The following ZFAND1 variants were observed in gnomAD, a reference collection of about 807,000 sequenced individuals.
ZFAND1 encodes the protein AN1-type zinc finger protein 1.
ZFAND1 carries 40 observed loss-of-function variants against 38.5 expected under a neutral mutation model. The ratio of observed to expected loss-of-function variants is 1.04; its 90% CI spans 0.81 to 1.35. ZFAND1 has a LOEUF of 1.35. Among genes scored for constraint, ZFAND1 ranks in the 40% most tolerant of loss-of-function variants. ZFAND1 has a pLI of 0.00. For synonymous variants in ZFAND1, 117 were observed against 103.6 expected, an observed-to-expected ratio of 1.13 and a Z score of -0.78; for missense variants, 346 against 316.3, an observed-to-expected ratio of 1.09 and a Z score of -0.71.
chr8:81,720,449 A>T (rs1384368515), intron 1 of ZFAND1, among the ~76,000 whole-genome samples: 3 of 152,178 alleles, frequency 2.0e-5, no homozygotes, highest in Non-Finnish European at 1.5e-5. Flanking sequence ...ATAATCTGTA[A>T]ATGTTTGTTC....
chr8:81,709,692 C>A (rs1808081019), intron 6 of ZFAND1, among the ~76,000 whole-genome samples: 1 of 152,034 alleles, frequency 6.6e-6, no homozygotes, highest in Admixed American at 6.5e-5. Flanking sequence ...TATACTTACA[C>A]ACACACAAAC....
chr8:81,702,825 G>A lies in ZFAND1; in HGVS notation c.677C>T (p.Pro226Leu). 6.2e-7 allele frequency: 1 copy of A among 1,605,154 alleles called. No individual in the cohort carries two copies. The highest frequency in any genetic ancestry group is 8.5e-7 in the Non-Finnish European group (1 of 1,176,572). Residue 226 changes from proline (P) to leucine (L), a missense_variant, in exon 8 of 8, where the codon CCC becomes CTC. Transcript: ENST00000220669. ...CCAGGTTTCCAAAGTATGATCCAAG[G>A]GTAAGGCTTCTCCTGAAGTAATGTG... ...LCHITSGEAL[P>L]LDHTLETWIA...
At chr8:81,720,597 C>T (rs1015462729) in intron 1 of ZFAND1, among the ~76,000 whole-genome samples, 3 of 152,128 alleles carry the variant, frequency 2.0e-5, no homozygotes, top group Non-Finnish European at 4.4e-5. Context: ...CACACATCCA[C>T]GTGAACACTA....
In ZFAND1 at chr8:81,713,853, G is replaced by A. The variant is rs114601838; in HGVS notation, c.480+65C>T. ...GTTAGTTGTTAATTGATGGGAAGGA[G>A]GAATACAAAGAGGACTTCAACTATA... On this transcript the variant is annotated intron_variant, in intron 6 of 7. Transcript: ENST00000220669. 1.9e-3 allele frequency: 2,792 copies of A among 1,503,114 alleles called. 33 individuals are homozygous for A. The African/African-American group carries it at 0.033, about 18-fold the overall frequency. The allele number at this position is 1,503,114 out of a possible 1,614,324, so 93.1% of individuals were successfully genotyped here.
chr8:81,704,213 C>G (rs1807902377), intron 6 of ZFAND1, among the ~76,000 whole-genome samples: 1 of 152,058 alleles, frequency 6.6e-6, no homozygotes. Context: ...CTTATCTGCC[C>G]TCTCCTTATA....
intron 1 of ZFAND1, among the ~76,000 whole-genome samples, chr8:81,718,497 T>A (rs1808379225): frequency 2.6e-5 from 4 of 151,984 alleles, no homozygotes; most frequent in African/African-American, 9.7e-5. Context: ...TTTTGTTTTG[T>A]TTCCCAGATT....
chr8:81,703,670 G>A (rs527744807), intron 6 of ZFAND1, among the ~76,000 whole-genome samples: 242 of 152,106 alleles, frequency 1.6e-3, no homozygotes, highest in Non-Finnish European at 2.9e-3. Context: ...TGATCCACCC[G>A]CCTCGGCCTC....
At chr8:81,708,663 G>A (rs544432928) in intron 6 of ZFAND1, 1 of 670,586 alleles carries the variant, frequency 1.5e-6, no homozygotes, top group African/African-American at 2.0e-5. Context: ...TCTTTTTATA[G>A]CCACCAGACT....
At chr8:81,719,047 C>A (rs1247153419) in intron 1 of ZFAND1, among the ~76,000 whole-genome samples, 1 of 151,782 alleles carries the variant, frequency 6.6e-6, no homozygotes. Flanking sequence ...GTATGCCACA[C>A]CGACCTCACA....
At chr8:81,711,575 G>A (rs917297464) in intron 6 of ZFAND1, among the ~76,000 whole-genome samples, 10 of 152,080 alleles carry the variant, frequency 6.6e-5, no homozygotes, top group African/African-American at 2.4e-4. Context: ...TCCAAATCAT[G>A]GTTCTTTGAA....
chr8:81,706,227 T>C (rs996661364), intron 6 of ZFAND1, among the ~76,000 whole-genome samples: 21 of 151,934 alleles, frequency 1.4e-4, no homozygotes, highest in African/African-American at 5.1e-4. Context: ...GAAAGTTTAA[T>C]AGGCAATCCA....
chr8:81,703,126 T>C lies in ZFAND1; in HGVS notation c.481-2A>G, dbSNP rs1453906954. On this transcript the variant is annotated splice_acceptor_variant, in intron 6 of 7. Transcript: ENST00000220669. LOFTEE classifies it high-confidence loss of function. Reference sequence around the variant, plus strand: ...AACCTGAAAGTAAATTCTTTCTGTCTGTAAAAAGAAAAAGTTAAAACAACC... The same window carrying C: ...AACCTGAAAGTAAATTCTTTCTGTCCGTAAAAAGAAAAAGTTAAAACAACC... 4.7e-6 allele frequency: 7 copies of C among 1,486,932 alleles called. No homozygotes were observed. The highest frequency in any genetic ancestry group is 2.4e-5 in the East Asian group (1 of 41,922). The allele number at this position is 1,486,932 out of a possible 1,614,324, so 92.1% of individuals were successfully genotyped here.
chr8:81,721,143 T>C, intron 1 of ZFAND1, 84 bp downstream of exon 1: 1 of 1,516,898 alleles, frequency 6.6e-7, no homozygotes. Flanking sequence ...TGGCCTCCCT[T>C]CACCCGCCGC....
At chr8:81,715,570 C>G (rs922301090) in intron 3 of ZFAND1, among the ~76,000 whole-genome samples, 2 of 151,592 alleles carry the variant, frequency 1.3e-5, no homozygotes, top group East Asian at 1.9e-4. Flanking sequence ...TTTTCATAAT[C>G]ATATATTATT....
intron 6 of ZFAND1, among the ~76,000 whole-genome samples, chr8:81,713,646 G>A (rs1272368525): frequency 6.6e-6 from 1 of 151,894 alleles, no homozygotes; most frequent in Admixed American, 6.6e-5. Context: ...GAATTTTGTT[G>A]ACTAAATCTC....
At chr8:81,717,328 T>C in intron 2 of ZFAND1, 40 bp from the exon 3 acceptor site, 2 of 1,465,710 alleles carry the variant, frequency 1.4e-6, no homozygotes, top group Non-Finnish European at 1.8e-6. Context: ...AATAACATAC[T>C]TAAAGATAAC....
intron 6 of ZFAND1, among the ~76,000 whole-genome samples, chr8:81,711,156 G>A (rs554941431): frequency 6.6e-6 from 1 of 152,200 alleles, no homozygotes; most frequent in Non-Finnish European, 1.5e-5. Flanking sequence ...GCTCACGCCT[G>A]TAATCCCAGC....
intron 6 of ZFAND1, among the ~76,000 whole-genome samples, chr8:81,705,026 A>C (rs1366935195): frequency 1.3e-5 from 2 of 152,200 alleles, no homozygotes; most frequent in African/African-American, 4.8e-5. Flanking sequence ...AGGCTGGCTA[A>C]GCCACAGGCT....
chr8:81,721,166 A>G, intron 1 of ZFAND1, 61 bp downstream of exon 1: 1 of 1,538,170 alleles, frequency 6.5e-7, no homozygotes, highest in Non-Finnish European at 8.7e-7. Context: ...CCATCCGCGG[A>G]GCCAAAGCGG....
Sources: allele counts gnomAD v4.1 joint callset (sites outside exome capture counted in the v4.1 genomes callset), GRCh38; gene constraint gnomAD v4.1.1; transcripts MANE v1.5; gene names NCBI Gene and HGNC (gene_info 2026-07-23, HGNC 2026-07-21).